Variants in PRKN observed in about 807,000 individuals in gnomAD.
PRKN encodes the protein E3 ubiquitin-protein ligase parkin.
In PRKN, 56 loss-of-function variants were observed where a neutral mutation model predicts 59.5. The ratio of observed to expected loss-of-function variants is 0.94; its 90% confidence interval spans 0.76 to 1.18. The LOEUF (loss-of-function observed/expected upper bound fraction) is 1.18, where lower values mean the gene tolerates loss of function less well. PRKN is among the 50% of genes most tolerant of loss of function. The probability of loss-of-function intolerance (pLI) is 0.00; values close to 1 mark genes in which losing one functional copy is unlikely to be tolerated. For missense variants in PRKN, 657 were observed against 596.4 expected, an observed-to-expected ratio of 1.10 and a Z score of -1.06; for synonymous variants, 250 against 222.1, an observed-to-expected ratio of 1.13 and a Z score of -1.12.
intron 1 of PRKN, among the ~76,000 whole-genome samples, chr6:162,619,039 T>C (rs1290669436): frequency 6.6e-6 from 1 of 152,136 alleles, no homozygotes; most frequent in African/African-American, 2.4e-5. Flanking sequence ...ATGACTATAA[T>C]AACTTTACAA....
intron 1 of PRKN, among the ~76,000 whole-genome samples, chr6:162,557,950 G>C (rs1779677843): frequency 6.6e-6 from 1 of 152,180 alleles, no homozygotes; most frequent in Non-Finnish European, 1.5e-5. Flanking sequence ...CATGGGGGAA[G>C]CTTCAAGAGC....
At chr6:162,371,803 TTA>T (rs1195309072) in intron 2 of PRKN, among the ~76,000 whole-genome samples, 1 of 152,206 alleles carries the variant, frequency 6.6e-6, no homozygotes, top group Non-Finnish European at 1.5e-5. Flanking sequence ...CAGCATGTTA[TTA>T]TGTTTCTTCA....
rs139539873 is a variant in PRKN at position 161,876,673 on chromosome 6, A to G, written c.735-90765T>C. ...TCATCCAAGATTAATATATCCCTAC[A>G]TTAAGATCCTATTATTTTCAACATG... On this transcript the variant is annotated intron_variant, in intron 6 of 11. Transcript: ENST00000366898. Among the ~76,000 whole-genome samples the G allele has an allele frequency of 3.3e-3, 503 of 152,206 alleles. 2 individuals carry two copies. The highest frequency in any genetic ancestry group is 0.012 in the African/African-American group (480 of 41,538).
intron 1 of PRKN, among the ~76,000 whole-genome samples, chr6:162,699,867 G>A (rs966296743): frequency 6.6e-6 from 1 of 152,064 alleles, no homozygotes; most frequent in South Asian, 2.1e-4. Flanking sequence ...AGAGAAGTAC[G>A]TTACCTTTGA....
At position 161,379,130 on chromosome 6, in the gene PRKN, G is replaced by A. The variant is rs1313804761; in HGVS notation, c.1167+7664C>T. Among the ~76,000 whole-genome samples, 1 of 152,128 alleles carries A rather than the reference G, an allele frequency of 6.6e-6. No homozygotes were observed. Among genetic ancestry groups the A allele is most frequent in the Admixed American group, 6.5e-5 (1 of 15,272 alleles). Reference sequence around the variant, plus strand: ...AATGGGGTATTTAAATGGGAAGAATGCATTTGGCACCCAGGTGGTTCACTG... The same window carrying A: ...AATGGGGTATTTAAATGGGAAGAATACATTTGGCACCCAGGTGGTTCACTG... On this transcript the variant is annotated intron_variant, in intron 10 of 11. Transcript: ENST00000366898. This position sits in a 1 kb window ranked among gnomAD's most constrained non-coding sequence, Gnocchi z 4.9.
At chr6:162,163,045 G>A (rs1583132498) in intron 4 of PRKN, among the ~76,000 whole-genome samples, 1 of 148,880 alleles carries the variant, frequency 6.7e-6, no homozygotes, top group East Asian at 1.9e-4. Context: ...TTTCTCATAG[G>A]ACTACAGTTC....
chr6:161,957,436 G>GTT (rs10682757), intron 6 of PRKN, among the ~76,000 whole-genome samples: 3,508 of 116,734 alleles, frequency 0.03, 188 homozygotes, highest in African/African-American at 0.098. Flanking sequence ...TTGTTTGTTT[G>GTT]TTTTTTTGAG....
At chr6:162,339,130 GC>G (rs1784007715) in intron 2 of PRKN, among the ~76,000 whole-genome samples, 1 of 144,516 alleles carries the variant, frequency 6.9e-6, no homozygotes, top group African/African-American at 2.6e-5. Context: ...GAGCCCCTCC[GC>G]CCGGCAGCCG....
intron 7 of PRKN, among the ~76,000 whole-genome samples, chr6:161,680,748 TATATATATATATATATATATATA>T (rs1372949218): frequency 0.014 from 173 of 12,730 alleles, 6 homozygotes; most frequent in Non-Finnish European, 0.022. Context: ...TATATATATA[TATATATATATATATATATATATA>T]TATATTTTTT....
chr6:162,237,932 C>T (rs996363382), intron 3 of PRKN, among the ~76,000 whole-genome samples: 1 of 152,066 alleles, frequency 6.6e-6, no homozygotes, highest in South Asian at 2.1e-4. Context: ...CACGCAAGAA[C>T]GCACATATTA....
intron 6 of PRKN, among the ~76,000 whole-genome samples, chr6:161,969,925 G>A (rs1025168226): frequency 6.6e-6 from 1 of 152,092 alleles, no homozygotes; most frequent in Admixed American, 6.6e-5. Flanking sequence ...GTGTGACAAG[G>A]ACTCTGTTTT....
intron 2 of PRKN, among the ~76,000 whole-genome samples, chr6:162,416,673 T>C (rs975326049): frequency 2.6e-5 from 4 of 152,204 alleles, no homozygotes; most frequent in Non-Finnish European, 5.9e-5. Flanking sequence ...GTATATTTAC[T>C]ATATTCTCAA....
chr6:162,379,985 C>T (rs1467247295), intron 2 of PRKN, among the ~76,000 whole-genome samples: 4 of 152,070 alleles, frequency 2.6e-5, no homozygotes, highest in South Asian at 2.1e-4. Flanking sequence ...AGAAACCCTG[C>T]GGGACTCACT....
At position 162,008,784 on chromosome 6, in the gene PRKN, T is replaced by A. The variant is rs560497024; in HGVS notation, c.619-35367A>T. On this transcript the variant is annotated intron_variant, in intron 5 of 11. Transcript: ENST00000366898. ...TTAGATCCTGGCATTAGAATAGGAA[T>A]ATTATTTATTTAGCCTTACAATATT... Among the ~76,000 whole-genome samples, 6 of 152,282 alleles carry A rather than the reference T, an allele frequency of 3.9e-5. No individual in the cohort carries two copies. The East Asian group carries it at 1.2e-3, about 29-fold the overall frequency.
intron 1 of PRKN, among the ~76,000 whole-genome samples, chr6:162,684,484 A>G (rs1779891810): frequency 1.3e-5 from 2 of 152,148 alleles, no homozygotes; most frequent in Non-Finnish European, 2.9e-5. Flanking sequence ...AAACCCTAAT[A>G]CAGCATAAGT....
chr6:162,304,729 T>G (rs931034887), intron 2 of PRKN, among the ~76,000 whole-genome samples: 1 of 150,838 alleles, frequency 6.6e-6, no homozygotes, highest in Non-Finnish European at 1.5e-5. Flanking sequence ...CAAAAATTAC[T>G]AAATAGCTAA....
intron 4 of PRKN, among the ~76,000 whole-genome samples, chr6:162,148,790 G>A (rs1197733472): frequency 6.6e-6 from 1 of 152,162 alleles, no homozygotes; most frequent in African/African-American, 2.4e-5. Context: ...AAATTAGGAA[G>A]TTCTCAGATA....
At chr6:162,694,954 T>A (rs1777915450) in intron 1 of PRKN, 3 of 152,180 alleles carry the variant, frequency 2.0e-5, no homozygotes, top group Non-Finnish European at 4.4e-5. Context: ...CAAGTTCTAG[T>A]CGACTTTGTC....
chr6:161,861,404 T>G (rs1023331099), intron 6 of PRKN, among the ~76,000 whole-genome samples: 1 of 152,136 alleles, frequency 6.6e-6, no homozygotes, highest in Non-Finnish European at 1.5e-5. Flanking sequence ...GGAGGGGAAC[T>G]TCACACACCA....
Sources: gnomAD v4.1 joint callset for allele counts (sites outside exome capture counted in the v4.1 genomes callset) on GRCh38, gnomAD v4.1.1 for gene constraint, Gnocchi (gnomAD v3.1) non-coding constraint, MANE v1.5 for transcripts, NCBI Gene and HGNC (gene_info 2026-07-23, HGNC 2026-07-21) for gene names.